ADAMTSL1: variants seen among roughly 807,000 people sequenced by gnomAD.
The protein encoded by ADAMTSL1 is ADAMTS like 1, also known as ADAMTS-like protein 1.
In ADAMTSL1, 126 loss-of-function variants were observed where a neutral mutation model predicts 201.8. The observed-to-expected ratio is 0.62, with a 90% CI of 0.54 to 0.72. The LOEUF (loss-of-function observed/expected upper bound fraction) is 0.72. Among genes scored for constraint, ADAMTSL1 ranks in the 30% least tolerant of loss-of-function variants. ADAMTSL1 has a pLI of 0.00. For synonymous variants in ADAMTSL1, 1,121 were observed against 903.4 expected (o/e 1.24, Z -4.32); for missense variants, 2,679 against 2,277.8 (o/e 1.18, Z -3.59).
chr9:18,539,095 A>T (rs1463288554), intron 3 of ADAMTSL1, among the ~76,000 whole-genome samples: 2 of 152,186 alleles, frequency 1.3e-5, no homozygotes, highest in African/African-American at 4.8e-5. Flanking sequence ...CCCATACTCT[A>T]GTCCTTATTA....
At chr9:18,723,225 T>G in intron 15 of ADAMTSL1, 2 of 655,320 alleles carry the variant, frequency 3.1e-6, no homozygotes. Flanking sequence ...TTCTTTATTT[T>G]GTAGGCAGAA....
intron 21 of ADAMTSL1, among the ~76,000 whole-genome samples, chr9:18,824,531 C>A (rs1051959483): frequency 6.6e-6 from 1 of 152,114 alleles, no homozygotes; most frequent in African/African-American, 2.4e-5. Flanking sequence ...TCTTTGAAGA[C>A]ACTCTGCATT....
At chr9:18,340,547 A>C (rs151178114) in intron 2 of ADAMTSL1, among the ~76,000 whole-genome samples, 1 of 151,940 alleles carries the variant, frequency 6.6e-6, no homozygotes, top group Non-Finnish European at 1.5e-5. Context: ...TAAGTCTATG[A>C]TATGTTTTGT....
intron 1 of ADAMTSL1, among the ~76,000 whole-genome samples, chr9:17,968,104 T>A (rs1004201853): frequency 6.6e-6 from 1 of 152,132 alleles, no homozygotes; most frequent in African/African-American, 2.4e-5. Context: ...ACTCTCTTCC[T>A]GGGTCTCTGA....
chr9:18,776,715 A>C, intron 18 of ADAMTSL1, 66 bp from the exon 19 acceptor site: 3 of 1,458,676 alleles, frequency 2.1e-6, no homozygotes, highest in Admixed American at 2.4e-5. Context: ...TCCTGGCTGC[A>C]TCTCACTCTG....
At chr9:18,194,139 GA>G (rs1829080857) in intron 2 of ADAMTSL1, among the ~76,000 whole-genome samples, 1 of 151,982 alleles carries the variant, frequency 6.6e-6, no homozygotes, top group Non-Finnish European at 1.5e-5. Flanking sequence ...TGTGTAGGAA[GA>G]AAAAAAGAAG....
chr9:18,456,229 T>C (rs1005901387), intron 2 of ADAMTSL1, among the ~76,000 whole-genome samples: 1 of 152,178 alleles, frequency 6.6e-6, no homozygotes, highest in South Asian at 2.1e-4. Context: ...ATTGAGGCTA[T>C]AATTATTCCT....
chr9:18,907,863 T>C (rs1041687301), intron 28 of ADAMTSL1: 1 of 165,776 alleles, frequency 6.0e-6, no homozygotes, highest in African/African-American at 2.4e-5. Flanking sequence ...AACTAGAACG[T>C]CCTGGTGCTG....
At chr9:18,163,495 G>A (rs916658695) in intron 1 of ADAMTSL1, among the ~76,000 whole-genome samples, 1 of 151,958 alleles carries the variant, frequency 6.6e-6, no homozygotes, top group Admixed American at 6.6e-5. Flanking sequence ...ATTGGACTAA[G>A]GATTGATCCC....
chr9:18,406,675 C>T (rs1320391430), intron 2 of ADAMTSL1, among the ~76,000 whole-genome samples: 1 of 152,074 alleles, frequency 6.6e-6, no homozygotes. Flanking sequence ...AAAACTGCTC[C>T]TCTGTTTCTA....
intron 2 of ADAMTSL1, among the ~76,000 whole-genome samples, chr9:18,394,717 G>C (rs535155852): frequency 1.3e-5 from 2 of 152,222 alleles, no homozygotes; most frequent in South Asian, 4.1e-4. Flanking sequence ...CATCATAAAG[G>C]CACACCAACC....
At chr9:18,185,411 C>T (rs1301653632) in intron 2 of ADAMTSL1, among the ~76,000 whole-genome samples, 1 of 152,060 alleles carries the variant, frequency 6.6e-6, no homozygotes, top group East Asian at 1.9e-4. Context: ...GAACCCAGCC[C>T]TTTCTGACAC....
intron 4 of ADAMTSL1, among the ~76,000 whole-genome samples, chr9:18,591,980 G>C (rs560808933): frequency 6.6e-6 from 1 of 152,180 alleles, no homozygotes; most frequent in Non-Finnish European, 1.5e-5. Context: ...TTGAAGTGTT[G>C]GTTGTGCAAT....
chr9:18,847,212 A>G (rs2131352083), intron 23 of ADAMTSL1, among the ~76,000 whole-genome samples: 1 of 152,276 alleles, frequency 6.6e-6, no homozygotes, highest in South Asian at 2.1e-4. Flanking sequence ...CAAAAGGAAC[A>G]GGAGTGGGGA....
chr9:18,602,325 T>G (rs1824716335), intron 4 of ADAMTSL1, among the ~76,000 whole-genome samples: 1 of 152,232 alleles, frequency 6.6e-6, no homozygotes, highest in Non-Finnish European at 1.5e-5. Flanking sequence ...AAACTTCTGC[T>G]GCAAACATGA....
chr9:18,474,079 C>T (rs886526833), upstream of ADAMTSL1: 5 of 520,696 alleles, frequency 9.6e-6, no homozygotes, highest in South Asian at 8.6e-5. Context: ...CACCCATCCA[C>T]CCACCCACCC....
chr9:17,968,715 G>A (rs938674967), intron 1 of ADAMTSL1, among the ~76,000 whole-genome samples: 3 of 152,096 alleles, frequency 2.0e-5, no homozygotes, highest in Non-Finnish European at 4.4e-5. Context: ...GTCATGCACT[G>A]GCTGGCCCCA....
At chr9:18,540,343 C>T (rs191260601) in intron 3 of ADAMTSL1, among the ~76,000 whole-genome samples, 6 of 151,952 alleles carry the variant, frequency 3.9e-5, no homozygotes, top group African/African-American at 7.3e-5. Context: ...GCCAAAAGGC[C>T]GAGAAGCGAT....
chr9:17,923,070 T>A (rs199855639), intron 1 of ADAMTSL1, among the ~76,000 whole-genome samples: 5 of 152,150 alleles, frequency 3.3e-5, no homozygotes, highest in African/African-American at 9.7e-5. Context: ...GAAGTCAGGT[T>A]GTGTGATTCC....
Sources: gnomAD v4.1 joint callset for allele counts (sites outside exome capture counted in the v4.1 genomes callset) on GRCh38, gnomAD v4.1.1 for gene constraint, MANE v1.5 for transcripts, NCBI Gene and HGNC (gene_info 2026-07-23, HGNC 2026-07-21) for gene names.